Variants in PRMT3 observed in about 807,000 individuals in gnomAD.
The protein encoded by PRMT3 is protein arginine methyltransferase 3.
In PRMT3, 62 loss-of-function variants were observed where a neutral mutation model predicts 71.9. That is an observed-to-expected ratio of 0.86 (90% confidence interval 0.70 to 1.07). The LOEUF (loss-of-function observed/expected upper bound fraction) is 1.07. Among genes scored for constraint, PRMT3 ranks in the 50% least tolerant of loss-of-function variants. PRMT3 has a pLI of 0.00. For missense variants in PRMT3, 663 were observed against 643.0 expected (o/e 1.03, Z -0.34); for synonymous variants, 213 against 220.4 (o/e 0.97, Z 0.30).
At chr11:20,486,013 A>G (rs901516554) in intron 13 of PRMT3, among the ~76,000 whole-genome samples, 4 of 152,226 alleles carry the variant, frequency 2.6e-5, no homozygotes, top group African/African-American at 9.6e-5. Flanking sequence ...CATGCAATGG[A>G]ATATTATTCA....
chr11:20,402,036 C>T (rs544304984), intron 7 of PRMT3, among the ~76,000 whole-genome samples: 55 of 152,230 alleles, frequency 3.6e-4, no homozygotes, highest in African/African-American at 1.3e-3. Context: ...GTAGCTGAAA[C>T]GTATCCAGTT....
intron 9 of PRMT3, among the ~76,000 whole-genome samples, chr11:20,417,681 T>C (rs374887054): frequency 6.6e-6 from 1 of 152,160 alleles, no homozygotes; most frequent in African/African-American, 2.4e-5. Context: ...TACCTCTAAA[T>C]ATCCCCCAAC....
At chr11:20,450,590 A>G (rs11025566) in intron 10 of PRMT3, among the ~76,000 whole-genome samples, 1 of 152,286 alleles carries the variant, frequency 6.6e-6, no homozygotes, top group East Asian at 1.9e-4. Flanking sequence ...TTGATAAACA[A>G]GCTTTGTTCC....
At chr11:20,472,328 C>CTG (rs199684488) in intron 13 of PRMT3, among the ~76,000 whole-genome samples, 4,623 of 152,216 alleles carry the variant, frequency 0.03, 236 homozygotes, top group African/African-American at 0.11. Flanking sequence ...GTGATATTGG[C>CTG]TGTGGGTTTG....
chr11:20,415,400 G>A (rs1292150809), intron 9 of PRMT3, among the ~76,000 whole-genome samples: 2 of 152,092 alleles, frequency 1.3e-5, no homozygotes, highest in African/African-American at 4.8e-5. Flanking sequence ...TGATTTACTG[G>A]AAGAACTCAC....
chr11:20,505,118 C>G (rs1590118832), intron 15 of PRMT3, among the ~76,000 whole-genome samples: 1 of 152,262 alleles, frequency 6.6e-6, no homozygotes, highest in African/African-American at 2.4e-5. Flanking sequence ...ATACCTTGAT[C>G]CTAAATCATA....
At chr11:20,454,977 C>A (rs932071956) in intron 11 of PRMT3, among the ~76,000 whole-genome samples, 2 of 152,022 alleles carry the variant, frequency 1.3e-5, no homozygotes, top group African/African-American at 2.4e-5. Context: ...TATCTTACTT[C>A]TAAGAAAACT....
intron 11 of PRMT3, among the ~76,000 whole-genome samples, chr11:20,454,350 T>C (rs1244669177): frequency 6.6e-6 from 1 of 152,230 alleles, no homozygotes; most frequent in Non-Finnish European, 1.5e-5. Flanking sequence ...TACATTTAAA[T>C]TGAATTCTCA....
chr11:20,507,556 C>CA (rs1851620848), intron 15 of PRMT3, among the ~76,000 whole-genome samples: 2 of 151,744 alleles, frequency 1.3e-5, no homozygotes, highest in Admixed American at 6.6e-5. Context: ...TAGGTGAGCG[C>CA]ATCACCTGAG....
intron 13 of PRMT3, among the ~76,000 whole-genome samples, chr11:20,489,011 T>G (rs1160559026): frequency 1.3e-5 from 2 of 152,190 alleles, no homozygotes; most frequent in Non-Finnish European, 2.9e-5. Context: ...AGCTCCATGC[T>G]TGTATTTTCC....
At chr11:20,496,079 A>G (rs957894140) in intron 15 of PRMT3, among the ~76,000 whole-genome samples, 2 of 152,220 alleles carry the variant, frequency 1.3e-5, no homozygotes, top group Non-Finnish European at 2.9e-5. Flanking sequence ...TTTCCTAGGC[A>G]TGTATTCTAA....
chr11:20,493,247 GA>G (rs1338255256), intron 13 of PRMT3, among the ~76,000 whole-genome samples: 39 of 146,476 alleles, frequency 2.7e-4, no homozygotes, highest in South Asian at 6.4e-4. Context: ...ATTTTTTCAG[GA>G]AAAAAAAAAT....
At chr11:20,473,939 T>C (rs1388044022) in intron 13 of PRMT3, among the ~76,000 whole-genome samples, 1 of 151,992 alleles carries the variant, frequency 6.6e-6, no homozygotes, top group African/African-American at 2.4e-5. Flanking sequence ...TTGTTTTCGG[T>C]TTTTAACAGT....
At chr11:20,414,667 T>C (rs1469592177) in intron 9 of PRMT3, among the ~76,000 whole-genome samples, 4 of 152,158 alleles carry the variant, frequency 2.6e-5, no homozygotes, top group Admixed American at 2.6e-4. Context: ...TTATTCAGAC[T>C]TTCAGATGTT....
chr11:20,449,227 T>C (rs1329780636), intron 10 of PRMT3, among the ~76,000 whole-genome samples: 1 of 152,180 alleles, frequency 6.6e-6, no homozygotes, highest in Non-Finnish European at 1.5e-5. Flanking sequence ...TATATGCTAG[T>C]ATTTGCATTG....
At chr11:20,487,064 AAAAAAAAG>A (rs1851092366) in intron 13 of PRMT3, among the ~76,000 whole-genome samples, 1 of 151,826 alleles carries the variant, frequency 6.6e-6, no homozygotes, top group Non-Finnish European at 1.5e-5. Context: ...CTCAAGAAAA[AAAAAAAAG>A]AAGAAGAAGA....
chr11:20,420,155 G>A, intron 9 of PRMT3, among the ~76,000 whole-genome samples: 1 of 152,154 alleles, frequency 6.6e-6, no homozygotes, highest in South Asian at 2.1e-4. Context: ...CTGGGTGATA[G>A]AGCAAGACTC....
At chr11:20,397,543 C>A in intron 6 of PRMT3, 34 bp from the exon 7 acceptor site, 1 of 1,609,942 alleles carries the variant, frequency 6.2e-7, no homozygotes. Flanking sequence ...GTCCAATAAA[C>A]CTGTCTCAAG....
intron 9 of PRMT3, among the ~76,000 whole-genome samples, chr11:20,411,118 A>C (rs1378919638): frequency 3.9e-5 from 6 of 152,130 alleles, no homozygotes; most frequent in Non-Finnish European, 5.9e-5. Flanking sequence ...TAAACCCAGC[A>C]ATCTAGCATA....
Sources: gnomAD v4.1 joint callset for allele counts (sites outside exome capture counted in the v4.1 genomes callset) on GRCh38, gnomAD v4.1.1 for gene constraint, MANE v1.5 for transcripts, NCBI Gene and HGNC (gene_info 2026-07-23, HGNC 2026-07-21) for gene names.